Variants in ANLN observed in about 807,000 individuals in gnomAD.
ANLN encodes anillin.
Under a neutral mutation model 135.1 loss-of-function variants are expected in ANLN, and 59 were observed. The ratio of observed to expected loss-of-function variants is 0.44; its 90% confidence interval spans 0.35 to 0.54. The LOEUF is 0.54. ANLN is among the 20% of genes least tolerant of loss of function. The probability of loss-of-function intolerance (pLI) is 0.00; values close to 1 mark genes in which losing one functional copy is unlikely to be tolerated. For synonymous variants in ANLN, 406 were observed against 456.4 expected, an observed-to-expected ratio of 0.89 and a Z score of 1.41; for missense variants, 1,182 against 1,340.0, an observed-to-expected ratio of 0.88 and a Z score of 1.84.
At chr7:36,418,816 C>A (rs1036453523) in intron 9 of ANLN, among the ~76,000 whole-genome samples, 8 of 151,438 alleles carry the variant, frequency 5.3e-5, no homozygotes, top group Middle Eastern at 3.2e-3. Flanking sequence ...CGCAATGGCA[C>A]AATCTGGGCT....
At chr7:36,422,944 G>A (rs1787938731) in intron 14 of ANLN, 135 bp downstream of exon 14, 2 of 687,486 alleles carry the variant, frequency 2.9e-6, no homozygotes, top group South Asian at 3.4e-5. Context: ...CTTTTATTGA[G>A]ATATAATAAA....
intron 10 of ANLN, 60 bp downstream of exon 10, chr7:36,419,539 TC>T (rs1415059224): frequency 2.2e-6 from 3 of 1,395,236 alleles, no homozygotes; most frequent in Non-Finnish European, 3.0e-6. Context: ...TATTCGTATC[TC>T]CCCTTTCTTT....
At chr7:36,447,900 G>A (rs966260878) in intron 22 of ANLN, among the ~76,000 whole-genome samples, 2 of 152,186 alleles carry the variant, frequency 1.3e-5, no homozygotes, top group African/African-American at 4.8e-5. Context: ...CCATGGATAA[G>A]TGGGGGGCTA....
intron 20 of ANLN, among the ~76,000 whole-genome samples, chr7:36,427,669 A>G (rs1485682653): frequency 2.0e-5 from 3 of 152,162 alleles, no homozygotes; most frequent in Non-Finnish European, 2.9e-5. Context: ...ATTTGAACCT[A>G]TATTTTGAAA....
At chr7:36,428,208 T>A (rs528986472) in intron 20 of ANLN, 21 of 491,208 alleles carry the variant, frequency 4.3e-5, no homozygotes, top group East Asian at 2.7e-4. Context: ...AAGTTAATTT[T>A]AAAAATTTTT....
intron 17 of ANLN, 151 bp downstream of exon 17, chr7:36,424,893 G>C: frequency 5.7e-6 from 4 of 706,014 alleles, no homozygotes; most frequent in Non-Finnish European, 9.3e-6. Context: ...AAATAGGTAT[G>C]AATACTGAAA....
intron 20 of ANLN, 29 bp from the exon 21 acceptor site, chr7:36,439,175 T>G: frequency 7.8e-7 from 1 of 1,281,564 alleles, no homozygotes; most frequent in East Asian, 2.3e-5. Flanking sequence ...GAACCTGTTT[T>G]GCAAATAATT....
chr7:36,437,581 A>AT (rs1788596424), intron 20 of ANLN, among the ~76,000 whole-genome samples: 1 of 151,178 alleles, frequency 6.6e-6, no homozygotes, highest in East Asian at 1.9e-4. Flanking sequence ...TGGTAGTTTT[A>AT]TTTTTTCATT....
chr7:36,404,231 A>C (rs1787094366), intron 3 of ANLN, among the ~76,000 whole-genome samples: 1 of 152,188 alleles, frequency 6.6e-6, no homozygotes. Context: ...CGGCCTCCCA[A>C]AGTGCTGGGA....
intron 20 of ANLN, among the ~76,000 whole-genome samples, chr7:36,429,285 A>T (rs1788216138): frequency 6.6e-6 from 1 of 152,016 alleles, no homozygotes; most frequent in Non-Finnish European, 1.5e-5. Context: ...CAGTGGCACG[A>T]TCTCGGCTCA....
chr7:36,420,246 A>G lies in ANLN; in HGVS notation c.1947A>G (p.Gln649=), dbSNP rs1180444600. 1 of 1,614,128 alleles carries G rather than the reference A, an allele frequency of 6.2e-7. No homozygotes were observed. Among genetic ancestry groups the G allele is most frequent in the East Asian group, 2.2e-5 (1 of 44,862 alleles). The stretch of plus-strand genomic sequence containing the variant: ...AAAGTCCAAAACCAGGAAAATTCCA[A>G]AGAACTCGTGTCCCTCGAGCTGAAT... The part of the protein sequence containing the change: ...SDESPKPGKF[Q]RTRVPRAESG... Residue 649 remains glutamine, a synonymous_variant, in exon 11 of 24, where the codon CAA becomes CAG. Transcript: ENST00000265748.
intron 9 of ANLN, among the ~76,000 whole-genome samples, chr7:36,418,475 C>T (rs897880350): frequency 1.3e-5 from 2 of 152,130 alleles, no homozygotes; most frequent in East Asian, 1.9e-4. Flanking sequence ...GAACTGTGGA[C>T]GAAAACCAGT....
At chr7:36,412,685 G>T (rs1484057686) in intron 7 of ANLN, among the ~76,000 whole-genome samples, 2 of 152,052 alleles carry the variant, frequency 1.3e-5, no homozygotes, top group Non-Finnish European at 2.9e-5. Flanking sequence ...ATCTTGAAGT[G>T]CTCCTCATAG....
intron 8 of ANLN, 70 bp downstream of exon 8, chr7:36,415,954 T>A (rs1787623629): frequency 7.6e-7 from 1 of 1,322,532 alleles, no homozygotes; most frequent in African/African-American, 1.5e-5. Flanking sequence ...TGATTTTGTA[T>A]TCTGTAACTT....
intron 10 of ANLN, among the ~76,000 whole-genome samples, chr7:36,419,805 T>G (rs1177060217): frequency 1.3e-5 from 2 of 152,214 alleles, no homozygotes; most frequent in African/African-American, 4.8e-5. Flanking sequence ...TTATTAATAA[T>G]ACCTATATAG....
At position 36,406,291 on chromosome 7, in the gene ANLN, G is replaced by A. The variant is rs140160802; in HGVS notation, c.598G>A (p.Gly200Ser). 1.9e-4 allele frequency: 310 copies of A among 1,614,144 alleles called. 1 individual carries two copies. The African/African-American group carries it at 3.6e-3, about 19-fold the overall frequency. ...CTCGGCAACTCCAGTTGGCAGAAGG[G>A]GCCGTCTGGCCAATCTTGCTGCAAC... is the stretch of plus-strand genomic sequence containing the variant. The part of the protein sequence containing the change: ...NASATPVGRR[G>S]RLANLAATIC... Residue 200 changes from glycine to serine, a missense_variant, in exon 4 of 24, where the codon GGC becomes AGC. Gly to Ser is a moderately conservative substitution (Grantham distance 56). This residue lies in a region of ANLN where 1,022 missense variants were observed against 1,134.0 expected (regional missense o/e 0.90). Transcript: ENST00000265748.
At chr7:36,403,755 G>A (rs987209346) in intron 3 of ANLN, among the ~76,000 whole-genome samples, 21 of 151,826 alleles carry the variant, frequency 1.4e-4, no homozygotes, top group African/African-American at 4.1e-4. Context: ...AGGCTCTAGC[G>A]ATCCTCCCAC....
At chr7:36,448,810 T>A (rs1351307403) in intron 22 of ANLN, 1 of 152,214 alleles carries the variant, frequency 6.6e-6, no homozygotes, top group East Asian at 1.9e-4. Context: ...CATATTAGAA[T>A]CTGTGTGTGC....
intron 2 of ANLN, among the ~76,000 whole-genome samples, chr7:36,396,795 C>G (rs752561144): frequency 2.6e-5 from 4 of 152,082 alleles, no homozygotes; most frequent in Non-Finnish European, 5.9e-5. Flanking sequence ...TGGGTGGTGT[C>G]TCCGGTACCA....
Sources: gnomAD v4.1 joint callset for allele counts (sites outside exome capture counted in the v4.1 genomes callset) on GRCh38, gnomAD v4.1.1 for gene constraint, gnomAD v4.1.1 regional missense constraint, MANE v1.5 for transcripts, NCBI Gene and HGNC (gene_info 2026-07-23, HGNC 2026-07-21) for gene names.